Variants in MYO3A observed in about 807,000 individuals in gnomAD.
MYO3A encodes the protein myosin IIIA.
In MYO3A, 180 loss-of-function variants were observed where a neutral mutation model predicts 192.7. That is an observed-to-expected ratio of 0.93 (90% CI 0.83 to 1.06). The LOEUF is 1.06. Ranked by LOEUF, MYO3A falls within the 50% of genes least tolerant of loss-of-function variation. The pLI, the probability that MYO3A is intolerant of heterozygous loss-of-function variation, is 0.00. For missense variants in MYO3A, 1,896 were observed against 1,905.0 expected, an observed-to-expected ratio of 1.00 and a Z score of 0.09; for synonymous variants, 628 against 645.3, an observed-to-expected ratio of 0.97 and a Z score of 0.41.
In MYO3A at chr10:26,075,815, A is replaced by G. The variant is rs12768456; in HGVS notation, c.1359+5414A>G. Among the ~76,000 whole-genome samples, 33 of 148,258 alleles carry G rather than the reference A, an allele frequency of 2.2e-4. No homozygotes were observed. In the East Asian group the frequency reaches 4.1e-3, roughly 19 times the overall value. ...TCTCTCTCATATATATGATATATAT[A>G]TGTCTCTCATATATATGATATATAT... On this transcript the variant is annotated intron_variant, in intron 14 of 34. Transcript: ENST00000642920.
At chr10:26,035,992 G>A (rs1233478875) in intron 10 of MYO3A, among the ~76,000 whole-genome samples, 5 of 151,778 alleles carry the variant, frequency 3.3e-5, no homozygotes, top group Non-Finnish European at 7.4e-5. Flanking sequence ...GGAGTGCAGT[G>A]GCGCCATCTT....
At chr10:26,081,133 T>A (rs1378037529) in intron 14 of MYO3A, among the ~76,000 whole-genome samples, 1 of 84,940 alleles carries the variant, frequency 1.2e-5, no homozygotes, top group African/African-American at 4.2e-5. Flanking sequence ...TATATGCCCT[T>A]CCCCCCCCCC....
intron 2 of MYO3A, among the ~76,000 whole-genome samples, chr10:25,947,427 C>T (rs1455575044): frequency 2.7e-4 from 27 of 100,214 alleles, no homozygotes; most frequent in Non-Finnish European, 1.5e-4. Context: ...GAGTTTTGCT[C>T]TTGATACCCA....
At chr10:25,961,873 T>C (rs982402687) in intron 4 of MYO3A, among the ~76,000 whole-genome samples, 2 of 152,166 alleles carry the variant, frequency 1.3e-5, no homozygotes, top group Non-Finnish European at 2.9e-5. Context: ...TGTAATAAAG[T>C]CCATTTAAAT....
At chr10:26,115,229 G>T (rs1838429558) in intron 17 of MYO3A, among the ~76,000 whole-genome samples, 2 of 152,184 alleles carry the variant, frequency 1.3e-5, no homozygotes, top group African/African-American at 4.8e-5. Context: ...GTGGAAGACG[G>T]ATCGGCGAGT....
At position 25,983,731 on chromosome 10, in the gene MYO3A, A is replaced by G. The variant is rs550436913; in HGVS notation, c.304-12759A>G. 1.6e-4 allele frequency among the ~76,000 whole-genome samples: 24 copies of G among 152,336 alleles called. No individual in the cohort carries two copies. In the East Asian group the frequency reaches 4.6e-3, roughly 29 times the overall value. On this transcript the variant is annotated intron_variant, in intron 4 of 34. Transcript: ENST00000642920. ...TCCCCAGCCTTGCTAGAGATCTAGC[A>G]AATACATCCAAATACAAGAAGCTCA...
chr10:26,187,608 A>G (rs1589103654), intron 31 of MYO3A, among the ~76,000 whole-genome samples: 1 of 151,056 alleles, frequency 6.6e-6, no homozygotes, highest in East Asian at 2.0e-4. Flanking sequence ...GTCATTTAAC[A>G]TTAGGTATAT....
At chr10:26,011,450 A>G (rs1045511133) in intron 6 of MYO3A, among the ~76,000 whole-genome samples, 2 of 148,928 alleles carry the variant, frequency 1.3e-5, no homozygotes, top group African/African-American at 5.2e-5. Context: ...GTTTAAAAAA[A>G]AAGAAAATTA....
Position 26,145,528 on chromosome 10 carries a change from A to C in MYO3A, c.2499A>C (p.Ala833=), listed in dbSNP as rs1376127710. 6.3e-7 allele frequency: 1 copy of C among 1,584,502 alleles called. No homozygotes were observed. The highest frequency in any genetic ancestry group is 1.7e-5 in the Admixed American group (1 of 59,976). Reference sequence around the variant, plus strand: ...TTAGTTTTGGAATTCACCATTATGCAGGAAAGGTAAGAACTCTAAAGAATT... The same window carrying C: ...TTAGTTTTGGAATTCACCATTATGCCGGAAAGGTAAGAACTCTAAAGAATT... ...MELSFGIHHY[A]GKVLYNASGF... Residue 833 remains alanine, a synonymous_variant, in exon 22 of 35, where the codon GCA becomes GCC. Transcript: ENST00000642920.
chr10:26,120,295 C>T (rs958822625), intron 17 of MYO3A, among the ~76,000 whole-genome samples: 3 of 152,254 alleles, frequency 2.0e-5, no homozygotes, highest in East Asian at 1.9e-4. Flanking sequence ...AAGATGGCCT[C>T]AAGGAAAATC....
intron 14 of MYO3A, among the ~76,000 whole-genome samples, chr10:26,081,403 A>C (rs1835948727): frequency 6.6e-6 from 1 of 151,592 alleles, no homozygotes; most frequent in Non-Finnish European, 1.5e-5. Context: ...GGCGGGTCTC[A>C]CTCCCACCAT....
intron 14 of MYO3A, among the ~76,000 whole-genome samples, chr10:26,079,789 G>A (rs772003533): frequency 1.3e-4 from 20 of 152,140 alleles, no homozygotes; most frequent in African/African-American, 4.3e-4. Context: ...GCTTAGTTTC[G>A]CTGGATACAA....
At chr10:26,108,199 C>G (rs954814384) in intron 17 of MYO3A, among the ~76,000 whole-genome samples, 11 of 152,156 alleles carry the variant, frequency 7.2e-5, no homozygotes, top group Non-Finnish European at 1.5e-4. Context: ...GAAGATTTTA[C>G]TCTAAATGTG....
chr10:26,164,251 G>A (rs1473833996), intron 26 of MYO3A, among the ~76,000 whole-genome samples: 3 of 152,310 alleles, frequency 2.0e-5, no homozygotes, highest in Non-Finnish European at 2.9e-5. Flanking sequence ...GGCTTAAGGT[G>A]TTTGCTTTGT....
At chr10:26,027,446 G>A (rs561244329) in intron 10 of MYO3A, among the ~76,000 whole-genome samples, 12 of 152,182 alleles carry the variant, frequency 7.9e-5, no homozygotes, top group African/African-American at 2.9e-4. Flanking sequence ...CTGGGTTCAA[G>A]TGATCTTCCT....
intron 31 of MYO3A, among the ~76,000 whole-genome samples, chr10:26,187,497 TA>T (rs112343033): frequency 0.19 from 28,165 of 151,690 alleles, 2,780 homozygotes; most frequent in East Asian, 0.3. Flanking sequence ...GTCTTTTTTT[TA>T]TTATTATTAT....
intron 15 of MYO3A, among the ~76,000 whole-genome samples, chr10:26,090,390 A>G (rs959442668): frequency 2.0e-5 from 3 of 152,212 alleles, no homozygotes; most frequent in Non-Finnish European, 4.4e-5. Flanking sequence ...AAGAAATAGC[A>G]TAGTCAGGAT....
Position 26,212,191 on chromosome 10 carries a change from A to C in MYO3A, c.*228A>C. 1.7e-6 allele frequency: 1 copy of C among 579,026 alleles called. No homozygotes were observed. The allele number at this position is 579,026 out of a possible 1,614,324, so 35.9% of individuals were successfully genotyped here. A position where few individuals can be genotyped will look rare whatever the true frequency, so the allele number is the denominator to read the frequency against. On this transcript the variant is annotated 3_prime_UTR_variant, in exon 35 of 35. Coordinates refer to ENST00000642920, the MANE Select transcript of MYO3A (RefSeq NM_017433.5). ...ACCTCCCCCGACGCTCTCTCTCGGA[A>C]CTCCCGCACCCTCCTTTCTCACCAG...
chr10:26,178,462 A>G (rs1438005634), intron 31 of MYO3A, among the ~76,000 whole-genome samples: 2 of 151,844 alleles, frequency 1.3e-5, no homozygotes, highest in Non-Finnish European at 2.9e-5. Flanking sequence ...TGAGGCAAGT[A>G]GAATTACTTG....
Sources: allele counts gnomAD v4.1 joint callset (sites outside exome capture counted in the v4.1 genomes callset), GRCh38; gene constraint gnomAD v4.1.1; transcripts MANE v1.5; gene names NCBI Gene and HGNC (gene_info 2026-07-23, HGNC 2026-07-21).